Variants in FSTL5 observed in about 807,000 individuals in gnomAD.
FSTL5 encodes the protein follistatin-related protein 5.
FSTL5 carries 62 observed loss-of-function variants against 89.1 expected under a neutral mutation model. The ratio of observed to expected loss-of-function variants is 0.70; its 90% CI spans 0.57 to 0.86. FSTL5 has a LOEUF of 0.86. FSTL5 is among the 40% of genes least tolerant of loss of function. The pLI is 0.00. For synonymous variants in FSTL5, 383 were observed against 346.2 expected, an observed-to-expected ratio of 1.11 and a Z score of -1.18; for missense variants, 1,057 against 1,001.6, an observed-to-expected ratio of 1.06 and a Z score of -0.75.
At chr4:162,126,664 G>C (rs1267227099) in intron 1 of FSTL5, among the ~76,000 whole-genome samples, 2 of 151,746 alleles carry the variant, frequency 1.3e-5, no homozygotes, top group Non-Finnish European at 2.9e-5. Flanking sequence ...ACATCATTTT[G>C]TCTTTTAAAA....
chr4:162,114,557 CACACACACACAT>C (rs1438149433), intron 1 of FSTL5, among the ~76,000 whole-genome samples: 1 of 133,928 alleles, frequency 7.5e-6, no homozygotes, highest in African/African-American at 3.0e-5. Flanking sequence ...CACACACACA[CACACACACACAT>C]ATTCTATATG....
intron 7 of FSTL5, among the ~76,000 whole-genome samples, chr4:161,607,058 G>C (rs1377195275): frequency 6.6e-6 from 1 of 152,116 alleles, no homozygotes; most frequent in Non-Finnish European, 1.5e-5. Flanking sequence ...ACAAAAAAAG[G>C]TGATAACTCA....
chr4:161,992,932 A>T (rs1166721787), intron 3 of FSTL5, among the ~76,000 whole-genome samples: 240 of 13,516 alleles, frequency 0.018, 7 homozygotes, highest in Admixed American at 0.042. Flanking sequence ...ATATGTGTGT[A>T]TATATATATG....
At chr4:161,792,080 T>A (rs548868546) in intron 4 of FSTL5, among the ~76,000 whole-genome samples, 1 of 152,166 alleles carries the variant, frequency 6.6e-6, no homozygotes, top group African/African-American at 2.4e-5. Flanking sequence ...AGTTCCTCCA[T>A]CCCCCGCAGG....
intron 7 of FSTL5, among the ~76,000 whole-genome samples, chr4:161,613,381 C>T (rs958344908): frequency 2.7e-5 from 4 of 149,950 alleles, no homozygotes; most frequent in Admixed American, 6.7e-5. Context: ...ACCCAGGAGG[C>T]GGAGGTTGCA....
At chr4:161,478,322 G>C (rs1421783359) in intron 13 of FSTL5, among the ~76,000 whole-genome samples, 1 of 152,054 alleles carries the variant, frequency 6.6e-6, no homozygotes, top group East Asian at 1.9e-4. Context: ...CATAAAGGAA[G>C]TGAAAAGTTA....
chr4:161,966,316 T>C (rs1735326030), intron 3 of FSTL5, among the ~76,000 whole-genome samples: 1 of 152,096 alleles, frequency 6.6e-6, no homozygotes, highest in Non-Finnish European at 1.5e-5. Context: ...ACTAAATTCT[T>C]ACTTAGTACA....
At chr4:161,981,525 G>GA (rs904909455) in intron 3 of FSTL5, among the ~76,000 whole-genome samples, 47 of 152,162 alleles carry the variant, frequency 3.1e-4, no homozygotes, top group African/African-American at 1.1e-3. Context: ...TTGTACTTTT[G>GA]AAATTGACAT....
intron 3 of FSTL5, among the ~76,000 whole-genome samples, chr4:161,933,340 T>C (rs999726100): frequency 1.3e-5 from 2 of 152,102 alleles, no homozygotes; most frequent in African/African-American, 4.8e-5. Flanking sequence ...TTCTCAATTC[T>C]GGCTCATGTT....
At chr4:161,461,985 G>T (rs1733600518) in intron 13 of FSTL5, among the ~76,000 whole-genome samples, 1 of 152,126 alleles carries the variant, frequency 6.6e-6, no homozygotes, top group South Asian at 2.1e-4. Flanking sequence ...TCAAAGGTCT[G>T]TAAGTAATGG....
At chr4:161,876,558 T>C (rs1369084741) in intron 4 of FSTL5, among the ~76,000 whole-genome samples, 1 of 152,158 alleles carries the variant, frequency 6.6e-6, no homozygotes, top group African/African-American at 2.4e-5. Context: ...AACCTTCATA[T>C]TACAGTAACT....
intron 7 of FSTL5, among the ~76,000 whole-genome samples, chr4:161,594,529 C>T (rs1280777678): frequency 6.6e-6 from 1 of 151,890 alleles, no homozygotes; most frequent in Non-Finnish European, 1.5e-5. Flanking sequence ...TGTGTTATTC[C>T]ATAACACCAA....
chr4:161,589,416 C>A (rs1410040220), intron 7 of FSTL5, among the ~76,000 whole-genome samples: 3 of 152,092 alleles, frequency 2.0e-5, no homozygotes, highest in Non-Finnish European at 4.4e-5. Context: ...CTCCTGACCT[C>A]AGGTGATCCG....
At chr4:161,442,541 T>TA (rs1290618511) in intron 15 of FSTL5, among the ~76,000 whole-genome samples, 1 of 152,098 alleles carries the variant, frequency 6.6e-6, no homozygotes, top group Non-Finnish European at 1.5e-5. Context: ...AAGTTTTCAG[T>TA]AAGATAAAAA....
At chr4:162,123,268 G>A (rs979304901) in intron 1 of FSTL5, among the ~76,000 whole-genome samples, 18 of 152,204 alleles carry the variant, frequency 1.2e-4, no homozygotes, top group African/African-American at 4.1e-4. Flanking sequence ...GAAATGCCAC[G>A]GGGAAAACTT....
Position 161,386,340 on chromosome 4 carries a change from A to T in FSTL5, c.1951T>A (p.Ser651Thr). The change falls in exon 16 of 16, where the codon TCA becomes ACA. Residue 651 changes from serine (S) to threonine (T), a missense_variant. By Grantham distance (58) the Ser-to-Thr change is moderately conservative. Around this residue, in one of 3 missense-constraint regions of FSTL5, gnomAD observed 980 missense variants for 903.2 expected, o/e 1.08. Coordinates refer to ENST00000306100, the MANE Select transcript of FSTL5 (RefSeq NM_020116.5). Reference protein sequence around the residue: ...NLKDYKCVPQSLAYTHLGGYY... With the variant: ...NLKDYKCVPQTLAYTHLGGYY... ...CCTCCCAAGTGTGTATATGCCAATG[A>T]CTGAGGAACGCACTTATAGTCCTTC... The T allele has an allele frequency of 6.2e-7, 1 of 1,613,910 alleles. No individual in the cohort carries two copies. The highest frequency in any genetic ancestry group is 8.5e-7 in the Non-Finnish European group (1 of 1,179,904).
At chr4:162,109,694 A>C (rs1731361754) in intron 2 of FSTL5, among the ~76,000 whole-genome samples, 1 of 152,018 alleles carries the variant, frequency 6.6e-6, no homozygotes, top group South Asian at 2.1e-4. Flanking sequence ...CGGTGGTATG[A>C]TATTTAGCAA....
At chr4:161,955,072 T>G (rs1288376510) in intron 3 of FSTL5, among the ~76,000 whole-genome samples, 1 of 151,654 alleles carries the variant, frequency 6.6e-6, no homozygotes, top group Non-Finnish European at 1.5e-5. Context: ...CTTATAAGAC[T>G]TTTGTGCCAT....
chr4:161,597,520 C>T (rs1290845012), intron 7 of FSTL5, among the ~76,000 whole-genome samples: 1 of 151,350 alleles, frequency 6.6e-6, no homozygotes, highest in Non-Finnish European at 1.5e-5. Flanking sequence ...AGGAGATATA[C>T]CTAATGTAAA....
Sources: gnomAD v4.1 joint callset for allele counts (sites outside exome capture counted in the v4.1 genomes callset) on GRCh38, gnomAD v4.1.1 for gene constraint, gnomAD v4.1.1 regional missense constraint, MANE v1.5 for transcripts, NCBI Gene and HGNC (gene_info 2026-07-23, HGNC 2026-07-21) for gene names.